Variants in ARPC1B observed in about 807,000 individuals in gnomAD.
ARPC1B encodes actin-related protein 2/3 complex subunit 1B.
ARPC1B carries 29 observed loss-of-function variants against 46.0 expected under a neutral mutation model. The observed-to-expected ratio is 0.63, with a 90% confidence interval of 0.47 to 0.86. ARPC1B has a LOEUF of 0.86. Ranked by LOEUF, ARPC1B falls within the 40% of genes least tolerant of loss-of-function variation. The probability of loss-of-function intolerance (pLI) is 0.00; values close to 1 mark genes in which losing one functional copy is unlikely to be tolerated. For synonymous variants in ARPC1B, 201 were observed against 213.9 expected (o/e 0.94, Z 0.53); for missense variants, 469 against 529.4 (o/e 0.89, Z 1.12).
intron 6 of ARPC1B, 36 bp from the exon 7 acceptor site, chr7:99,391,142 A>C: frequency 6.2e-7 from 1 of 1,613,514 alleles, no homozygotes; most frequent in Non-Finnish European, 8.5e-7. Context: ...AGTGCAGAGG[A>C]GTGGGACACC....
chr7:99,377,809 A>G (rs528900071), intron 1 of ARPC1B, among the ~76,000 whole-genome samples: 187 of 146,608 alleles, frequency 1.3e-3, no homozygotes, highest in African/African-American at 4.3e-3. Context: ...TAAATTTTGT[A>G]TTTTTAGTAG....
chr7:99,394,592 C>A lies in ARPC1B; in HGVS notation c.*103C>A. ...GCTGAATGTTTCTGGGGTACCAATA[C>A]GAGTTCCCATAGGGGCTGCTCCCTC... is the stretch of plus-strand genomic sequence containing the variant. On this transcript the variant is annotated 3_prime_UTR_variant, in exon 10 of 10. Transcript: ENST00000646101. 6 of 1,585,230 alleles carry A rather than the reference C, an allele frequency of 3.8e-6. No homozygotes were observed. Among genetic ancestry groups the A allele is most frequent in the African/African-American group, 1.3e-5 (1 of 74,370 alleles).
chr7:99,386,905 G>A lies in ARPC1B; in HGVS notation c.169+116G>A, dbSNP rs145207886. The A allele has an allele frequency of 1.1e-3, 874 of 777,130 alleles. 8 individuals carry two copies. The highest frequency in any genetic ancestry group is 6.6e-3 in the African/African-American group (378 of 57,034). 48.1% of individuals were successfully genotyped at this position (777,130 alleles called of 1,614,324 possible). A position where few individuals can be genotyped will look rare whatever the true frequency, so the allele number is the denominator to read the frequency against. The stretch of plus-strand genomic sequence containing the variant: ...CATCTGCCCACTCACCGTGAAACCC[G>A]GATTCAAACTGGCTTCAATTTTAAG... On this transcript the variant is annotated intron_variant, in intron 3 of 9. Transcript: ENST00000646101.
At chr7:99,386,874 G>A (rs1325124113) in intron 3 of ARPC1B, 85 bp downstream of exon 3, 5 of 992,344 alleles carry the variant, frequency 5.0e-6, no homozygotes, top group African/African-American at 4.9e-5. Context: ...GCCACTCATT[G>A]TGGAGCATCT....
Position 99,392,799 on chromosome 7 carries a change from C to T in ARPC1B, c.912C>T (p.Asn304=), listed in dbSNP as rs538586348. ...RGLTARERFQ[N]LDKKASSEGG... is the part of the protein sequence containing the mutation. ...TGACGGCCCGCGAGCGCTTCCAGAA[C>T]CTGGACAAGAAGGCGAGCTCCGAGG... The change falls in exon 8 of 10, where the codon AAC becomes AAT. Residue 304 remains asparagine (N), a synonymous_variant. Transcript: ENST00000646101. 183 of 1,550,142 alleles carry T rather than the reference C, an allele frequency of 1.2e-4. No homozygotes were observed. The East Asian group carries it at 4.3e-3, about 37-fold the overall frequency.
At chr7:99,375,181 C>G (rs759689951) in intron 1 of ARPC1B, among the ~76,000 whole-genome samples, 5 of 152,170 alleles carry the variant, frequency 3.3e-5, no homozygotes, top group Non-Finnish European at 7.4e-5. Flanking sequence ...TCCCCGGCCC[C>G]CATCCCCAGC....
chr7:99,393,058 C>T (rs1794624547), intron 8 of ARPC1B, among the ~76,000 whole-genome samples, 182 bp downstream of exon 8: 1 of 152,086 alleles, frequency 6.6e-6, no homozygotes, highest in Non-Finnish European at 1.5e-5. Context: ...GTCTGATGAG[C>T]GGCGGGCCCG....
intron 2 of ARPC1B, 74 bp downstream of exon 2, chr7:99,385,852 G>C: frequency 6.8e-7 from 1 of 1,470,656 alleles, no homozygotes; most frequent in Non-Finnish European, 9.2e-7. Flanking sequence ...GCACACATGG[G>C]GACTCTGGAG....
intron 1 of ARPC1B, among the ~76,000 whole-genome samples, chr7:99,382,404 A>G (rs1794256972): frequency 7.0e-6 from 1 of 143,260 alleles, no homozygotes. Flanking sequence ...TTCATCTCGA[A>G]AAAAAAAAAA....
intron 1 of ARPC1B, among the ~76,000 whole-genome samples, chr7:99,382,689 G>A (rs887928557): frequency 1.3e-5 from 2 of 151,940 alleles, no homozygotes; most frequent in African/African-American, 4.8e-5. Context: ...GCCCATGCTT[G>A]TCTTGAACTT....
intron 1 of ARPC1B, among the ~76,000 whole-genome samples, chr7:99,380,375 G>A (rs1196315433): frequency 1.3e-5 from 2 of 151,470 alleles, no homozygotes; most frequent in African/African-American, 4.9e-5. Flanking sequence ...CAGAAGTTAT[G>A]GAAAAAGGGA....
At chr7:99,393,573 T>C (rs1794653360) in intron 8 of ARPC1B, among the ~76,000 whole-genome samples, 1 of 151,932 alleles carries the variant, frequency 6.6e-6, no homozygotes, top group Non-Finnish European at 1.5e-5. Flanking sequence ...GCCCAAAAGC[T>C]GCCAGCCACA....
intron 2 of ARPC1B, among the ~76,000 whole-genome samples, chr7:99,386,158 C>T (rs1056135118): frequency 3.3e-5 from 5 of 150,636 alleles, no homozygotes; most frequent in African/African-American, 7.3e-5. Context: ...GGCTGAGGCA[C>T]GAGAATTGCT....
intron 1 of ARPC1B, among the ~76,000 whole-genome samples, chr7:99,379,754 G>A (rs184575183): frequency 6.6e-6 from 1 of 151,946 alleles, no homozygotes; most frequent in Admixed American, 6.6e-5. Context: ...CCACCACCCC[G>A]CCGCTGGGCA....
chr7:99,385,699 C>G lies in ARPC1B; in HGVS notation c.-13-3C>G. On this transcript the variant is annotated splice_region_variant and splice_polypyrimidine_tract_variant and intron_variant, in intron 1 of 9. Transcript: ENST00000646101. ...GGATTCTCTCTTCCTCTCTCGGGCA[C>G]AGGAGCCAAGCCGCCATGGCCTACC... 6.2e-7 allele frequency: 1 copy of G among 1,606,272 alleles called. No individual in the cohort carries two copies. Among genetic ancestry groups the G allele is most frequent in the Non-Finnish European group, 8.5e-7 (1 of 1,177,944 alleles).
At position 99,392,876 on chromosome 7, in the gene ARPC1B, G is replaced by C; in HGVS notation, c.989G>C (p.Ser330Thr). Residue 330 changes from serine to threonine, a missense_variant and splice_region_variant, in exon 8 of 10, where the codon AGC (serine) becomes ACC (threonine). Ser to Thr is a moderately conservative substitution (Grantham distance 58). Coordinates refer to ENST00000646101, the MANE Select transcript of ARPC1B (RefSeq NM_005720.4). ...GLDSLHKNSVSQISVLSGGKA... is the reference protein window; with the variant it reads ...GLDSLHKNSVTQISVLSGGKA... The stretch of plus-strand genomic sequence containing the variant: ...GACTCGCTGCACAAGAACAGCGTCA[G>C]GTGAGAGCGGGAGCCGGGCCGGCGG... The C allele has an allele frequency of 6.5e-7, 1 of 1,535,952 alleles. No homozygotes were observed. Among genetic ancestry groups the C allele is most frequent in the Non-Finnish European group, 8.8e-7 (1 of 1,138,150 alleles).
At chr7:99,375,652 G>A (rs1341151814) in intron 1 of ARPC1B, among the ~76,000 whole-genome samples, 2 of 152,234 alleles carry the variant, frequency 1.3e-5, no homozygotes, top group Non-Finnish European at 2.9e-5. Context: ...GCCGGGCGCG[G>A]TGGCTCACAC....
rs1037697258 is a variant in ARPC1B, at chr7:99,390,772, A to C, written c.501-121A>C. On this transcript the variant is annotated intron_variant, in intron 5 of 9. Coordinates refer to ENST00000646101, the MANE Select transcript of ARPC1B (RefSeq NM_005720.4). Reference sequence around the variant, plus strand: ...GAGCACAGTAGCGCAATCACAGCTCACTGCAGCCTTGACCTCCTGGGTTCA... The same window carrying C: ...GAGCACAGTAGCGCAATCACAGCTCCCTGCAGCCTTGACCTCCTGGGTTCA... 3.3e-5 allele frequency: 25 copies of C among 764,188 alleles called. No homozygotes were observed. In the African/African-American group the frequency reaches 3.9e-4, roughly 12 times the overall value. 47.3% of individuals were successfully genotyped at this position (764,188 alleles called of 1,614,324 possible).
chr7:99,392,789 G>A lies in ARPC1B; in HGVS notation c.902G>A (p.Arg301His), dbSNP rs1388736118. ...CAGCGTGGCTTGACGGCCCGCGAGC[G>A]CTTCCAGAACCTGGACAAGAAGGCG... ...SSQRGLTARERFQNLDKKASS... is the reference protein window; with the variant it reads ...SSQRGLTAREHFQNLDKKASS... The change falls in exon 8 of 10, where the codon CGC becomes CAC. Residue 301 changes from arginine to histidine, a missense_variant. Arg to His is a conservative substitution (Grantham distance 29). Coordinates refer to ENST00000646101, the MANE Select transcript of ARPC1B (RefSeq NM_005720.4). 1 of 1,549,928 alleles carries A rather than the reference G, an allele frequency of 6.5e-7. No individual in the cohort carries two copies.
Sources: gnomAD v4.1 joint callset for allele counts (sites outside exome capture counted in the v4.1 genomes callset) on GRCh38, gnomAD v4.1.1 for gene constraint, MANE v1.5 for transcripts, NCBI Gene and HGNC (gene_info 2026-07-23, HGNC 2026-07-21) for gene names.